MACF1: variants seen among roughly 807,000 people sequenced by gnomAD.
MACF1 encodes the protein microtubule-actin cross-linking factor 1.
MACF1 carries 193 observed loss-of-function variants against 854.8 expected under a neutral mutation model. That is an observed-to-expected ratio of 0.23 (90% CI 0.20 to 0.25). MACF1 has a LOEUF of 0.25. Ranked by LOEUF, MACF1 falls within the 10% of genes least tolerant of loss-of-function variation. MACF1 has a pLI of 1.00. For synonymous variants in MACF1, 3,185 were observed against 3,226.7 expected (o/e 0.99, Z 0.44); for missense variants, 7,722 against 8,929.1 (o/e 0.86, Z 5.45).
Position 39,335,931 on chromosome 1 carries a change from C to T in MACF1, c.9343C>T (p.Gln3115Ter). 1 of 1,614,116 alleles carries T rather than the reference C, an allele frequency of 6.2e-7. No individual in the cohort carries two copies. Among genetic ancestry groups the T allele is most frequent in the East Asian group, 2.2e-5 (1 of 44,878 alleles). Reference sequence around the variant, plus strand: ...CCCAAGACCTGAAGGATTGCACTACCAGGAATCAGATGGAAAAGCCCAAGT... The same window carrying T: ...CCCAAGACCTGAAGGATTGCACTACTAGGAATCAGATGGAAAAGCCCAAGT... ...MTPRPEGLHY[Q>*]ESDGKAQVTG... The change falls in exon 37 of 101, where the codon CAG becomes TAG. Residue 3115 changes from glutamine (Q) to a stop codon, truncating the protein, a stop_gained. Transcript: ENST00000564288. LOFTEE classifies it high-confidence loss of function.
At chr1:39,330,489 A>G (rs1646700910) in intron 36 of MACF1, among the ~76,000 whole-genome samples, 1 of 152,144 alleles carries the variant, frequency 6.6e-6, no homozygotes, top group Non-Finnish European at 1.5e-5. Flanking sequence ...AACTTGTTGT[A>G]TGGCGTTGAA....
intron 15 of MACF1, among the ~76,000 whole-genome samples, chr1:39,289,072 C>T (rs1483418315): frequency 1.3e-5 from 2 of 152,186 alleles, no homozygotes; most frequent in African/African-American, 4.8e-5. Context: ...GACAGGTTCT[C>T]ATTCTTTTTT....
intron 2 of MACF1, among the ~76,000 whole-genome samples, chr1:39,088,002 C>A (rs1368921157): frequency 1.3e-5 from 2 of 151,388 alleles, no homozygotes; most frequent in Non-Finnish European, 2.9e-5. Flanking sequence ...CTCGCTGTCG[C>A]CCAGGCTGGA....
At chr1:39,268,549 GGGGA>G in intron 6 of MACF1, 1 of 1,170,026 alleles carries the variant, frequency 8.5e-7, no homozygotes, top group Non-Finnish European at 1.1e-6. Flanking sequence ...AGAGAGAGGC[GGGGA>G]GGGAGGGAGA....
At chr1:39,187,955 T>TCCCTC (rs1644198524) in intron 2 of MACF1, among the ~76,000 whole-genome samples, 1 of 108,732 alleles carries the variant, frequency 9.2e-6, no homozygotes, top group African/African-American at 3.5e-5. Flanking sequence ...TCCCTTCCCT[T>TCCCTC]CCCTCCCCTC....
chr1:39,312,078 A>G (rs1481638797), intron 26 of MACF1, among the ~76,000 whole-genome samples: 1 of 152,140 alleles, frequency 6.6e-6, no homozygotes, highest in African/African-American at 2.4e-5. Flanking sequence ...TCCCTGAAAA[A>G]TAGAACTCAC....
chr1:39,153,643 C>T (rs1244582749), intron 2 of MACF1, among the ~76,000 whole-genome samples: 1 of 151,328 alleles, frequency 6.6e-6, no homozygotes, highest in East Asian at 2.0e-4. Flanking sequence ...CTCTTCGTAC[C>T]CTTTTTGCCA....
At chr1:39,205,328 G>T (rs1040862546) in intron 1 of MACF1, among the ~76,000 whole-genome samples, 197 bp downstream of exon 1, 3 of 152,072 alleles carry the variant, frequency 2.0e-5, no homozygotes, top group Non-Finnish European at 4.4e-5. Context: ...TGGGATGGGG[G>T]TGGTGCTCTT....
chr1:39,468,518 A>G (rs750850677), intron 95 of MACF1, 97 bp from the exon 96 acceptor site: 60 of 945,640 alleles, frequency 6.3e-5, no homozygotes, highest in Non-Finnish European at 8.6e-5. Context: ...TGTAGCTATC[A>G]AATTGTCATT....
intron 5 of MACF1, 77 bp from the exon 6 acceptor site, chr1:39,257,859 A>T (rs575808576): frequency 1.6e-5 from 17 of 1,039,786 alleles, no homozygotes; most frequent in Non-Finnish European, 2.4e-5. Context: ...ACTGTAAATC[A>T]ATAATGAAGT....
At chr1:39,386,399 T>C (rs745334335) in intron 57 of MACF1, among the ~76,000 whole-genome samples, 4 of 151,770 alleles carry the variant, frequency 2.6e-5, no homozygotes, top group Non-Finnish European at 5.9e-5. Context: ...TAGCTGGGAC[T>C]ATAGACACAC....
intron 6 of MACF1, among the ~76,000 whole-genome samples, chr1:39,265,459 G>A (rs561756429): frequency 1.3e-5 from 2 of 152,260 alleles, no homozygotes; most frequent in African/African-American, 4.8e-5. Flanking sequence ...GAAAGGTCTC[G>A]TAATCAGAAT....
intron 2 of MACF1, among the ~76,000 whole-genome samples, chr1:39,171,203 T>TTGTGTGTGTG (rs147517281): frequency 1.2e-4 from 18 of 146,330 alleles, no homozygotes; most frequent in East Asian, 6.0e-4. Context: ...ATCTTTCTGT[T>TTGTGTGTGTG]TGTGTGTGTG....
intron 72 of MACF1, among the ~76,000 whole-genome samples, chr1:39,440,295 G>A (rs1350370744): frequency 6.7e-6 from 1 of 150,334 alleles, no homozygotes; most frequent in African/African-American, 2.5e-5. Flanking sequence ...TTATAGAGAT[G>A]GGGTTTCACC....
intron 2 of MACF1, among the ~76,000 whole-genome samples, chr1:39,164,680 A>G (rs1007045789): frequency 2.6e-5 from 4 of 152,230 alleles, no homozygotes; most frequent in Non-Finnish European, 4.4e-5. Flanking sequence ...AATGACCATC[A>G]ATATTGTACA....
rs778171394 is a variant in MACF1 at position 39,442,022 on chromosome 1, A to G, written c.18743A>G (p.Asn6248Ser). The change falls in exon 75 of 101, where the codon AAT becomes AGT. Residue 6248 changes from asparagine to serine, a missense_variant. By Grantham distance (46) the Asn-to-Ser change is conservative. This residue lies in a region of MACF1 where 2,807 missense variants were observed against 3,235.8 expected (regional missense o/e 0.87). Coordinates refer to ENST00000564288, the MANE Select transcript of MACF1 (RefSeq NM_001394062.1). ...ATGCCCCCTGTTGGCACTGACCTCA[A>G]TACTGTTAAAGATCAGTTAAATGAA... ...CTMPPVGTDLNTVKDQLNEMK... is the reference protein window; with the variant it reads ...CTMPPVGTDLSTVKDQLNEMK... 21 of 1,613,860 alleles carry G rather than the reference A, an allele frequency of 1.3e-5. No individual in the cohort carries two copies. Among genetic ancestry groups the G allele is most frequent in the Admixed American group, 1.0e-4 (6 of 59,962 alleles).
At position 39,340,683 on chromosome 1, in the gene MACF1, T is replaced by A. The variant is rs2148483195; in HGVS notation, c.10397T>A (p.Leu3466Gln). Residue 3466 changes from leucine (L) to glutamine (Q), a missense_variant, in exon 39 of 101, where the codon CTA becomes CAA. Physicochemically the swap from Leu to Gln is moderately radical, Grantham distance 113 (BLOSUM62 -2). This residue lies in a region of MACF1 where 854 missense variants were observed against 852.6 expected (regional missense o/e 1.00). Coordinates refer to ENST00000564288, the MANE Select transcript of MACF1 (RefSeq NM_001394062.1). ...SSVSDTWNSRLLHFQNAVEIE... is the reference protein window; with the variant it reads ...SSVSDTWNSRQLHFQNAVEIE... ...GTGAGTGACACTTGGAATTCCAGGC[T>A]ACTCCACTTCCAGAATGCTGTGGAA... 6.2e-7 allele frequency: 1 copy of A among 1,614,224 alleles called. No homozygotes were observed. The highest frequency in any genetic ancestry group is 8.5e-7 in the Non-Finnish European group (1 of 1,180,036).
At chr1:39,119,506 T>C (rs1421484746) in intron 2 of MACF1, among the ~76,000 whole-genome samples, 1 of 152,288 alleles carries the variant, frequency 6.6e-6, no homozygotes, top group African/African-American at 2.4e-5. Flanking sequence ...GTCTAGATTG[T>C]GTCTGATGAG....
At position 39,385,909 on chromosome 1, in the gene MACF1, A is replaced by G; in HGVS notation, c.14324A>G (p.Gln4775Arg). The change falls in exon 57 of 101, where the codon CAA becomes CGA. Residue 4775 changes from glutamine to arginine, a missense_variant. Gln to Arg is a conservative substitution (Grantham distance 43). Transcript: ENST00000564288. ...KRLETVALPL[Q>R]GLEDLAADRI... ...TTGGAGACAGTTGCCCTGCCTCTCC[A>G]AGGTTTAGAAGACCTTGCAGGTAAG... The G allele has an allele frequency of 6.2e-7, 1 of 1,608,376 alleles. No homozygotes were observed.
Sources: gnomAD v4.1 joint callset for allele counts (sites outside exome capture counted in the v4.1 genomes callset) on GRCh38, gnomAD v4.1.1 for gene constraint, gnomAD v4.1.1 regional missense constraint, MANE v1.5 for transcripts, NCBI Gene and HGNC (gene_info 2026-07-23, HGNC 2026-07-21) for gene names.